Variants in FAT3 observed in about 807,000 individuals in gnomAD.
FAT3 encodes the protein FAT atypical cadherin 3.
Under a neutral mutation model 310.2 loss-of-function variants are expected in FAT3, and 95 were observed. The observed-to-expected ratio is 0.31, with a 90% CI of 0.26 to 0.36. The LOEUF (loss-of-function observed/expected upper bound fraction) is 0.36, where lower values mean the gene tolerates loss of function less well. Among genes scored for constraint, FAT3 ranks in the 10% least tolerant of loss-of-function variants. The probability of loss-of-function intolerance (pLI) is 1.00; values close to 1 mark genes in which losing one functional copy is unlikely to be tolerated. For synonymous variants in FAT3, 2,314 were observed against 2,192.9 expected, an observed-to-expected ratio of 1.06 and a Z score of -1.54; for missense variants, 5,408 against 5,715.6, an observed-to-expected ratio of 0.95 and a Z score of 1.74.
At chr11:92,470,786 G>A (rs1207418636) in intron 2 of FAT3, among the ~76,000 whole-genome samples, 1 of 152,086 alleles carries the variant, frequency 6.6e-6, no homozygotes, top group Non-Finnish European at 1.5e-5. Context: ...TCAAAATTCT[G>A]TCTCTTAGAT....
Position 92,355,377 on chromosome 11 carries a change from G to A in FAT3, c.3265G>A (p.Gly1089Arg). 4 of 1,613,538 alleles carry A rather than the reference G, an allele frequency of 2.5e-6. No individual in the cohort carries two copies. Among genetic ancestry groups the A allele is most frequent in the Non-Finnish European group, 3.4e-6 (4 of 1,179,660 alleles). ...QYSIRDGSGLGRFSIDDESGV... is the reference protein window; with the variant it reads ...QYSIRDGSGLRRFSIDDESGV... Reference sequence around the variant, plus strand: ...CTCCATCAGGGATGGCAGTGGTCTTGGAAGGTTCAGTATAGACGACGAGAG... The same window carrying A: ...CTCCATCAGGGATGGCAGTGGTCTTAGAAGGTTCAGTATAGACGACGAGAG... The change falls in exon 2 of 28, where the codon GGA becomes AGA. Residue 1089 changes from glycine (G) to arginine (R), a missense_variant. Coordinates refer to ENST00000525166, the MANE Select transcript of FAT3 (RefSeq NM_001367949.2).
chr11:92,274,716 T>C (rs1473854138), intron 1 of FAT3, among the ~76,000 whole-genome samples: 2 of 152,158 alleles, frequency 1.3e-5, no homozygotes, highest in Non-Finnish European at 2.9e-5. Context: ...GACAGAGCTA[T>C]ATTATATTTA....
rs1418812682 is a variant in FAT3 at position 92,798,288 on chromosome 11, A to C, written c.5275A>C (p.Ile1759Leu). The C allele has an allele frequency of 6.2e-7, 1 of 1,613,826 alleles. No individual in the cohort carries two copies. The highest frequency in any genetic ancestry group is 8.5e-7 in the Non-Finnish European group (1 of 1,179,836). Residue 1759 changes from isoleucine to leucine, a missense_variant, in exon 10 of 28, where the codon ATT (isoleucine) becomes CTT (leucine). Transcript: ENST00000525166. Reference protein sequence around the residue: ...MASNATVNIQIVDENDNAPVF... With the variant: ...MASNATVNIQLVDENDNAPVF... ...TTCCAATGCTACAGTCAATATTCAG[A>C]TTGTTGATGAAAATGATAATGCCCC...
In FAT3 at chr11:92,445,010, C is replaced by G. The variant is rs187001025; in HGVS notation, c.3293-79624C>G. Reference sequence around the variant, plus strand: ...TCTTTAAAGAGCAAATTAAATGAGGCCATTAGGGGAAAATTTGTGCTCAGG... The same window carrying G: ...TCTTTAAAGAGCAAATTAAATGAGGGCATTAGGGGAAAATTTGTGCTCAGG... On this transcript the variant is annotated intron_variant, in intron 2 of 27. Transcript: ENST00000525166. Among the ~76,000 whole-genome samples the G allele has an allele frequency of 2.6e-3, 401 of 152,100 alleles. 6 individuals carry two copies. The highest frequency in any genetic ancestry group is 1.8e-3 in the Non-Finnish European group (121 of 67,992).
chr11:92,585,063 T>A (rs1270601930), intron 3 of FAT3, among the ~76,000 whole-genome samples: 1 of 151,992 alleles, frequency 6.6e-6, no homozygotes, highest in African/African-American at 2.4e-5. Flanking sequence ...AGAGAAAAGA[T>A]AGAAATGATT....
intron 12 of FAT3, among the ~76,000 whole-genome samples, chr11:92,807,379 T>A (rs1279864504): frequency 6.6e-6 from 1 of 152,190 alleles, no homozygotes; most frequent in Non-Finnish European, 1.5e-5. Context: ...TCTTGGGCTC[T>A]AAGAAATTGT....
intron 2 of FAT3, among the ~76,000 whole-genome samples, chr11:92,510,296 A>G (rs1490480415): frequency 2.0e-5 from 3 of 152,108 alleles, no homozygotes; most frequent in Admixed American, 2.0e-4. Flanking sequence ...CCATTGCTCT[A>G]GGTTTCAACC....
intron 3 of FAT3, among the ~76,000 whole-genome samples, chr11:92,674,301 T>C (rs1005437911): frequency 2.0e-5 from 3 of 151,330 alleles, no homozygotes; most frequent in Admixed American, 6.6e-5. Context: ...CACTGTGATA[T>C]TGGTTCCTCT....
intron 4 of FAT3, among the ~76,000 whole-genome samples, chr11:92,702,335 A>G (rs371269052): frequency 1.3e-5 from 2 of 152,198 alleles, no homozygotes; most frequent in African/African-American, 4.8e-5. Flanking sequence ...TCACTCCTCA[A>G]TGAGACCTTG....
At chr11:92,600,370 T>A (rs569240948) in intron 3 of FAT3, among the ~76,000 whole-genome samples, 1 of 152,294 alleles carries the variant, frequency 6.6e-6, no homozygotes, top group East Asian at 1.9e-4. Flanking sequence ...CTCAAGGAAG[T>A]TAAAAATCAG....
chr11:92,286,790 A>C (rs1946571341), intron 1 of FAT3, among the ~76,000 whole-genome samples: 1 of 152,202 alleles, frequency 6.6e-6, no homozygotes, highest in Admixed American at 6.5e-5. Flanking sequence ...GACTCCTGGT[A>C]GTTTAGACTG....
chr11:92,710,157 TAAG>T (rs1399351769), intron 4 of FAT3, among the ~76,000 whole-genome samples: 2 of 152,342 alleles, frequency 1.3e-5, no homozygotes, highest in East Asian at 3.9e-4. Flanking sequence ...GTAGCCCTCT[TAAG>T]AAGCTTCACA....
intron 2 of FAT3, chr11:92,367,114 CCCAG>C (rs1337050387): frequency 4.5e-6 from 2 of 440,994 alleles, no homozygotes; most frequent in African/African-American, 4.0e-5. Context: ...GCCAGCGTCT[CCCAG>C]TGCCTGCCTG....
intron 4 of FAT3, among the ~76,000 whole-genome samples, chr11:92,747,331 G>A (rs1945699992): frequency 6.6e-6 from 1 of 152,252 alleles, no homozygotes; most frequent in Admixed American, 6.5e-5. Flanking sequence ...GCAATGGCCT[G>A]AGCTGTATGT....
At chr11:92,312,605 C>T (rs1408240963) in intron 1 of FAT3, among the ~76,000 whole-genome samples, 1 of 152,164 alleles carries the variant, frequency 6.6e-6, no homozygotes, top group African/African-American at 2.4e-5. Flanking sequence ...CTCTCACAAA[C>T]CTCAAAGTGA....
Position 92,238,932 on chromosome 11 carries a change from A to G in FAT3, c.-18+13758A>G, listed in dbSNP as rs187817357. On this transcript the variant is annotated intron_variant, in intron 1 of 27. Coordinates refer to ENST00000525166, the MANE Select transcript of FAT3 (RefSeq NM_001367949.2). The stretch of plus-strand genomic sequence containing the variant: ...GACAATATTAATAACAGTAACGTGC[A>G]TTCGTTTGTAACTTTGCCATTTGCA... 7.4e-4 allele frequency among the ~76,000 whole-genome samples: 113 copies of G among 152,224 alleles called. 1 individual carries two copies. Among genetic ancestry groups the G allele is most frequent in the Admixed American group, 7.4e-3 (113 of 15,274 alleles).
At chr11:92,445,235 C>G (rs529431573) in intron 2 of FAT3, among the ~76,000 whole-genome samples, 1 of 152,288 alleles carries the variant, frequency 6.6e-6, no homozygotes, top group East Asian at 1.9e-4. Flanking sequence ...CACTGTTGTA[C>G]GTCAGTAGCT....
At chr11:92,580,093 T>C (rs937786749) in intron 3 of FAT3, among the ~76,000 whole-genome samples, 13 of 152,076 alleles carry the variant, frequency 8.5e-5, no homozygotes, top group African/African-American at 2.9e-4. Flanking sequence ...GCTTTTGTTA[T>C]TTTTGTTAAA....
At position 92,798,705 on chromosome 11, in the gene FAT3, G is replaced by A. The variant is rs1451873577; in HGVS notation, c.5692G>A (p.Val1898Ile). Residue 1898 changes from valine (V) to isoleucine (I), a missense_variant, in exon 10 of 28, where the codon GTT (valine) becomes ATT (isoleucine). By Grantham distance (29) the Val-to-Ile change is conservative (BLOSUM62 3). Coordinates refer to ENST00000525166, the MANE Select transcript of FAT3 (RefSeq NM_001367949.2). Reference protein sequence around the residue: ...FETILLLPTYVGVEVLKVSAT... With the variant: ...FETILLLPTYIGVEVLKVSAT... ...GACTATCTTACTTCTACCTACCTAT[G>A]TTGGAGTGGAGGTTCTGAAAGTTAG... 6.2e-7 allele frequency: 1 copy of A among 1,613,808 alleles called. No individual in the cohort carries two copies. The highest frequency in any genetic ancestry group is 2.2e-5 in the East Asian group (1 of 44,812).
Sources: gnomAD v4.1 joint callset for allele counts (sites outside exome capture counted in the v4.1 genomes callset) on GRCh38, gnomAD v4.1.1 for gene constraint, MANE v1.5 for transcripts, NCBI Gene and HGNC (gene_info 2026-07-23, HGNC 2026-07-21) for gene names.